CDH13: variants seen among roughly 807,000 people sequenced by gnomAD.
CDH13 encodes the protein cadherin-13.
A neutral mutation model predicts 63.8 loss-of-function variants in CDH13; 24 were observed. The ratio of observed to expected loss-of-function variants is 0.38; its 90% CI spans 0.27 to 0.53. The LOEUF is 0.53. CDH13 is among the 20% of genes least tolerant of loss of function. CDH13 has a pLI of 0.85. For missense variants in CDH13, 1,049 were observed against 903.1 expected, an observed-to-expected ratio of 1.16 and a Z score of -2.07; for synonymous variants, 503 against 355.3, an observed-to-expected ratio of 1.42 and a Z score of -4.67.
chr16:82,929,851 A>T (rs1485081474), intron 2 of CDH13, among the ~76,000 whole-genome samples: 1 of 151,650 alleles, frequency 6.6e-6, no homozygotes, highest in South Asian at 2.1e-4. Context: ...ACCAAGAAAC[A>T]TACCTGTAGA....
At chr16:82,724,520 C>G (rs960886685) in intron 1 of CDH13, among the ~76,000 whole-genome samples, 1 of 152,178 alleles carries the variant, frequency 6.6e-6, no homozygotes, top group Admixed American at 6.5e-5. Flanking sequence ...AGCCTAGATT[C>G]ATAGTCATGA....
In CDH13 at chr16:83,169,930, T is replaced by G. The variant is rs770010825; in HGVS notation, c.483+44429T>G. On this transcript the variant is annotated intron_variant, in intron 4 of 13. Coordinates refer to ENST00000567109, the MANE Select transcript of CDH13 (RefSeq NM_001257.5). ...TTCATATTCACATCTGATTCTTCAG[T>G]CCCTCTAGATCTTACTTTCGATGTA... is the stretch of plus-strand genomic sequence containing the variant. Among the ~76,000 whole-genome samples, 53 of 152,276 alleles carry G rather than the reference T, an allele frequency of 3.5e-4. 2 individuals carry two copies. The highest frequency in any genetic ancestry group is 6.5e-4 in the Non-Finnish European group (44 of 68,014).
chr16:83,350,646 G>T (rs1199321052), intron 6 of CDH13, among the ~76,000 whole-genome samples: 1 of 152,108 alleles, frequency 6.6e-6, no homozygotes, highest in East Asian at 1.9e-4. Flanking sequence ...GACCTGGCAG[G>T]TGCTGCTTGT....
chr16:83,176,159 T>G (rs553023438), intron 4 of CDH13, among the ~76,000 whole-genome samples: 1 of 149,448 alleles, frequency 6.7e-6, no homozygotes, highest in African/African-American at 2.4e-5. Context: ...CTCAACCTAC[T>G]TTTTAAATTA....
intron 7 of CDH13, among the ~76,000 whole-genome samples, chr16:83,532,742 G>A (rs528618763): frequency 4.6e-5 from 7 of 152,306 alleles, no homozygotes; most frequent in South Asian, 2.1e-4. Flanking sequence ...GAGTAGTCAC[G>A]CTGGTCCGGA....
chr16:82,663,718 T>A (rs1048530279), intron 1 of CDH13, among the ~76,000 whole-genome samples: 2 of 152,222 alleles, frequency 1.3e-5, no homozygotes, highest in South Asian at 4.1e-4. Flanking sequence ...GATCTGGTTG[T>A]CTGATTCGTG....
chr16:82,785,732 C>A (rs1230659502), intron 1 of CDH13, among the ~76,000 whole-genome samples: 3 of 152,188 alleles, frequency 2.0e-5, no homozygotes, highest in African/African-American at 7.2e-5. Flanking sequence ...ATTCCAGTAA[C>A]TGCATGGAAG....
chr16:83,534,134 TC>T (rs1567744133), intron 7 of CDH13, among the ~76,000 whole-genome samples: 1 of 152,044 alleles, frequency 6.6e-6, no homozygotes, highest in African/African-American at 2.4e-5. Flanking sequence ...CCATCCTCCA[TC>T]CCCCATGCCC....
chr16:83,014,754 A>ATATATATATATATATATATATG (rs1410099978), intron 2 of CDH13, among the ~76,000 whole-genome samples: 17 of 43,376 alleles, frequency 3.9e-4, no homozygotes, highest in Non-Finnish European at 6.1e-4. Context: ...ATATATATAT[A>ATATATATATATATATATATATG]TATATATATA....
intron 1 of CDH13, among the ~76,000 whole-genome samples, chr16:82,729,069 G>A (rs2033257364): frequency 6.6e-6 from 1 of 152,060 alleles, no homozygotes; most frequent in South Asian, 2.1e-4. Context: ...TCTAATTATA[G>A]TTGTCTTTCA....
intron 6 of CDH13, among the ~76,000 whole-genome samples, chr16:83,358,860 C>T (rs796479173): frequency 6.6e-6 from 1 of 152,082 alleles, no homozygotes; most frequent in South Asian, 2.1e-4. Context: ...AAAAAAACCC[C>T]ACTGCCTTAT....
chr16:83,183,832 C>T (rs1345484439), intron 4 of CDH13, among the ~76,000 whole-genome samples: 1 of 152,072 alleles, frequency 6.6e-6, no homozygotes, highest in South Asian at 2.1e-4. Context: ...CAAAATGTGT[C>T]CTTCAAATAA....
At chr16:82,961,059 T>A (rs1906906100) in intron 2 of CDH13, among the ~76,000 whole-genome samples, 1 of 152,158 alleles carries the variant, frequency 6.6e-6, no homozygotes, top group Non-Finnish European at 1.5e-5. Flanking sequence ...TTTTTATGCA[T>A]CTGTCGATAG....
intron 7 of CDH13, among the ~76,000 whole-genome samples, chr16:83,533,890 G>A (rs933854871): frequency 3.3e-5 from 5 of 152,004 alleles, no homozygotes; most frequent in African/African-American, 1.2e-4. Flanking sequence ...CGAGCTGCTG[G>A]GATTACAGGC....
chr16:83,269,274 G>A (rs1419072407), intron 5 of CDH13, among the ~76,000 whole-genome samples: 3 of 152,114 alleles, frequency 2.0e-5, no homozygotes, highest in Admixed American at 6.5e-5. Flanking sequence ...CAGAACTCCT[G>A]GAGAGACCTA....
Position 83,171,614 on chromosome 16 carries a change from TC to T in CDH13, c.484-45729del, listed in dbSNP as rs1490884323. On this transcript the variant is annotated intron_variant, in intron 4 of 13. Transcript: ENST00000567109. ...AAATATCTGTGTCTCTATCTTCATT[TC>T]CTTGTTTGTGTCTCCAATTTCCTAT... 2.1e-6 allele frequency: 3 copies of T among 1,459,306 alleles called. No individual in the cohort carries two copies. The African/African-American group carries it at 4.2e-5, about 20-fold the overall frequency. The allele number at this position is 1,459,306 out of a possible 1,614,324, so 90.4% of individuals were successfully genotyped here. A position where few individuals can be genotyped will look rare whatever the true frequency, so the allele number is the denominator to read the frequency against.
At chr16:83,552,452 G>C (rs1311357294) in intron 7 of CDH13, among the ~76,000 whole-genome samples, 1 of 152,162 alleles carries the variant, frequency 6.6e-6, no homozygotes, top group Non-Finnish European at 1.5e-5. Flanking sequence ...CCTTTCTCCA[G>C]ACATCACCCT....
intron 6 of CDH13, among the ~76,000 whole-genome samples, chr16:83,363,951 G>A (rs1481919751): frequency 6.6e-6 from 1 of 152,156 alleles, no homozygotes; most frequent in Admixed American, 6.5e-5. Flanking sequence ...AGGGGAGTTT[G>A]TGAGCAATTT....
chr16:83,101,211 A>G (rs1423428993), intron 3 of CDH13, among the ~76,000 whole-genome samples: 2 of 150,886 alleles, frequency 1.3e-5, no homozygotes, highest in Non-Finnish European at 2.9e-5. Flanking sequence ...AGAGGTATGT[A>G]TATATACATA....
Sources: allele counts gnomAD v4.1 joint callset (sites outside exome capture counted in the v4.1 genomes callset), GRCh38; gene constraint gnomAD v4.1.1; transcripts MANE v1.5; gene names NCBI Gene and HGNC (gene_info 2026-07-23, HGNC 2026-07-21).